MYO5A: variants seen among roughly 807,000 people sequenced by gnomAD.
MYO5A encodes the protein myosin VA, also known as unconventional myosin-Va.
Under a neutral mutation model 249.7 loss-of-function variants are expected in MYO5A, and 98 were observed. That is an observed-to-expected ratio of 0.39 (90% CI 0.33 to 0.46). The LOEUF is 0.46. Ranked by LOEUF, MYO5A falls within the 20% of genes least tolerant of loss-of-function variation. The pLI, the probability that MYO5A is intolerant of heterozygous loss-of-function variation, is 0.98. For missense variants in MYO5A, 1,696 were observed against 2,308.8 expected, an observed-to-expected ratio of 0.73 and a Z score of 5.44; for synonymous variants, 778 against 810.6, an observed-to-expected ratio of 0.96 and a Z score of 0.68.
At chr15:52,315,064 C>T (rs1235162396) in intron 40 of MYO5A, among the ~76,000 whole-genome samples, 1 of 152,174 alleles carries the variant, frequency 6.6e-6, no homozygotes, top group East Asian at 1.9e-4. Flanking sequence ...ATCAGTCTCT[C>T]GGAGGCAAGT....
intron 1 of MYO5A, among the ~76,000 whole-genome samples, chr15:52,435,030 C>G (rs1356543267): frequency 2.6e-5 from 4 of 152,180 alleles, no homozygotes; most frequent in Non-Finnish European, 5.9e-5. Context: ...TCCCAAAGAA[C>G]TGTGATAATG....
chr15:52,463,902 T>C (rs1380133439), intron 1 of MYO5A, among the ~76,000 whole-genome samples: 1 of 152,240 alleles, frequency 6.6e-6, no homozygotes, highest in East Asian at 1.9e-4. Context: ...TTCTAGTTTA[T>C]TTTTAATTTT....
At chr15:52,353,357 C>T (rs997534152) in intron 27 of MYO5A, among the ~76,000 whole-genome samples, 2 of 152,232 alleles carry the variant, frequency 1.3e-5, no homozygotes, top group African/African-American at 2.4e-5. Context: ...CTAGAGTCCA[C>T]GTCCTTTACT....
At chr15:52,367,338 G>A (rs2040860295) in intron 22 of MYO5A, among the ~76,000 whole-genome samples, 1 of 152,118 alleles carries the variant, frequency 6.6e-6, no homozygotes, top group African/African-American at 2.4e-5. Context: ...TCTTTTCCCT[G>A]TGCTACTACA....
At chr15:52,473,205 T>C (rs900085004) in intron 1 of MYO5A, among the ~76,000 whole-genome samples, 1 of 152,250 alleles carries the variant, frequency 6.6e-6, no homozygotes, top group Admixed American at 6.5e-5. Flanking sequence ...TTGAGAAGTG[T>C]CTGTTCATAT....
chr15:52,432,457 T>C (rs533788891), intron 2 of MYO5A, among the ~76,000 whole-genome samples: 1 of 152,240 alleles, frequency 6.6e-6, no homozygotes, highest in Non-Finnish European at 1.5e-5. Flanking sequence ...TATAGTCAAA[T>C]AGTATAAGCA....
intron 18 of MYO5A, among the ~76,000 whole-genome samples, chr15:52,378,141 C>A (rs2041523394): frequency 6.6e-6 from 1 of 151,416 alleles, no homozygotes. Context: ...AAGCCCTGAT[C>A]CAGGCCTGAA....
intron 18 of MYO5A, among the ~76,000 whole-genome samples, chr15:52,378,786 C>T (rs1452465904): frequency 2.0e-5 from 3 of 152,040 alleles, no homozygotes; most frequent in Admixed American, 2.0e-4. Flanking sequence ...ATCAGTAGTT[C>T]TCAAAATATA....
At chr15:52,464,750 C>T (rs2899488) in intron 1 of MYO5A, among the ~76,000 whole-genome samples, 22,866 of 152,180 alleles carry the variant, frequency 0.15, 1,826 homozygotes, top group Middle Eastern at 0.22. Flanking sequence ...GACAGGGATT[C>T]ATCACAGGCT....
intron 29 of MYO5A, 51 bp downstream of exon 29, chr15:52,348,767 A>G: frequency 7.1e-7 from 1 of 1,412,324 alleles, no homozygotes. Flanking sequence ...TGTAAACTAA[A>G]GTTAGGATTA....
At chr15:52,346,290 A>C in intron 30 of MYO5A, 71 bp downstream of exon 30, 1 of 927,272 alleles carries the variant, frequency 1.1e-6, no homozygotes, top group East Asian at 2.5e-5. Flanking sequence ...CTTTTACTGT[A>C]CAAGAGGCTG....
intron 34 of MYO5A, among the ~76,000 whole-genome samples, chr15:52,335,306 A>C (rs2039060298): frequency 6.6e-6 from 1 of 152,096 alleles, no homozygotes; most frequent in Admixed American, 6.6e-5. Flanking sequence ...TCACGAGCTC[A>C]GGAGTTCGAG....
chr15:52,371,204 C>T (rs1051289322), intron 21 of MYO5A, among the ~76,000 whole-genome samples: 7 of 152,026 alleles, frequency 4.6e-5, no homozygotes, highest in African/African-American at 1.7e-4. Flanking sequence ...TTTCTCCCTC[C>T]CACTCAGAAA....
At chr15:52,340,479 A>C in intron 31 of MYO5A, 85 bp from the exon 32 acceptor site, 1 of 1,180,454 alleles carries the variant, frequency 8.5e-7, no homozygotes, top group Non-Finnish European at 1.2e-6. Context: ...TTCACTTGCA[A>C]GAGTAGGAAA....
rs547460783 is a variant in MYO5A at position 52,318,616 on chromosome 15, G to A, written c.5234+444C>T. 1.2e-4 allele frequency among the ~76,000 whole-genome samples: 19 copies of A among 152,194 alleles called. No individual in the cohort carries two copies. The South Asian group carries it at 3.7e-3, about 30-fold the overall frequency. ...AAGATCTATCAGACCTGTTCTTGTT[G>A]CCATAGGTACAAAAAGGTATTTTTC... On this transcript the variant is annotated intron_variant, in intron 39 of 41. Coordinates refer to ENST00000399233, the MANE Select transcript of MYO5A (RefSeq NM_001382347.1).
At chr15:52,499,823 C>T (rs2077116370) in intron 1 of MYO5A, among the ~76,000 whole-genome samples, 1 of 152,152 alleles carries the variant, frequency 6.6e-6, no homozygotes, top group South Asian at 2.1e-4. Flanking sequence ...TGAGACCTTG[C>T]TTTGAATTCT....
rs115802304 is a variant in MYO5A at position 52,454,548 on chromosome 15, T to C, written c.28-21263A>G. On this transcript the variant is annotated intron_variant, in intron 1 of 41. Coordinates refer to ENST00000399233, the MANE Select transcript of MYO5A (RefSeq NM_001382347.1). ...AACATTTCACCCATTTGCAGAAGAG[T>C]ACACATTCTTTTCATCAGCACATGA... Among the ~76,000 whole-genome samples, 1,451 of 152,024 alleles carry C rather than the reference T, an allele frequency of 9.5e-3. 28 individuals carry two copies. The highest frequency in any genetic ancestry group is 0.033 in the African/African-American group (1,374 of 41,476).
chr15:52,378,338 T>C (rs991321455), intron 18 of MYO5A, among the ~76,000 whole-genome samples: 4 of 151,652 alleles, frequency 2.6e-5, no homozygotes, highest in Non-Finnish European at 5.9e-5. Flanking sequence ...CTGGCCAACA[T>C]GGTAAAACCC....
At chr15:52,319,653 C>T (rs1023844871) in intron 38 of MYO5A, among the ~76,000 whole-genome samples, 1 of 152,212 alleles carries the variant, frequency 6.6e-6, no homozygotes, top group East Asian at 1.9e-4. Flanking sequence ...ATCACTTGAA[C>T]TTGGGAGGCA....
Sources: gnomAD v4.1 joint callset for allele counts (sites outside exome capture counted in the v4.1 genomes callset) on GRCh38, gnomAD v4.1.1 for gene constraint, MANE v1.5 for transcripts, NCBI Gene and HGNC (gene_info 2026-07-23, HGNC 2026-07-21) for gene names.